Variants in SHLD1 observed in about 807,000 individuals in gnomAD.
SHLD1 encodes the protein shieldin complex subunit 1, also known as RINN1-REV7-interacting novel NHEJ regulator 3.
A neutral mutation model predicts 5.5 loss-of-function variants in SHLD1; 3 were observed. The observed-to-expected ratio is 0.54, with a 90% confidence interval of 0.25 to 1.40. SHLD1 has a LOEUF of 1.40. Among genes scored for constraint, SHLD1 ranks in the 40% most tolerant of loss-of-function variants. The pLI, the probability that SHLD1 is intolerant of heterozygous loss-of-function variation, is 0.15. For missense variants in SHLD1, 210 were observed against 244.4 expected (o/e 0.86, Z 0.94); for synonymous variants, 92 against 94.3 (o/e 0.98, Z 0.14).
chr20:5,784,711 A>G (rs2087036549), intron 2 of SHLD1, among the ~76,000 whole-genome samples: 1 of 152,116 alleles, frequency 6.6e-6, no homozygotes, highest in Non-Finnish European at 1.5e-5. Flanking sequence ...CAGCCTCCCA[A>G]AGTGCTGGGA....
At chr20:5,753,124 A>G (rs971454364) in intron 1 of SHLD1, among the ~76,000 whole-genome samples, 3 of 152,152 alleles carry the variant, frequency 2.0e-5, no homozygotes, top group Non-Finnish European at 4.4e-5. Flanking sequence ...TATTTCATTC[A>G]GGGTTTGCTA....
chr20:5,752,895 A>C (rs1324918514), intron 1 of SHLD1, among the ~76,000 whole-genome samples: 1 of 152,106 alleles, frequency 6.6e-6, no homozygotes, highest in African/African-American at 2.4e-5. Flanking sequence ...CCTGGGTTCA[A>C]GCGATTCTCC....
chr20:5,774,706 G>C (rs904583344), intron 2 of SHLD1, among the ~76,000 whole-genome samples: 5 of 152,072 alleles, frequency 3.3e-5, no homozygotes, highest in African/African-American at 1.2e-4. Context: ...GCACCAAGGG[G>C]ATGGTGCTGT....
At chr20:5,759,161 G>A (rs1013364315) in intron 1 of SHLD1, among the ~76,000 whole-genome samples, 1 of 151,582 alleles carries the variant, frequency 6.6e-6, no homozygotes, top group Admixed American at 6.6e-5. Context: ...CCGTTATGTT[G>A]CCAGGCTGGT....
intron 1 of SHLD1, among the ~76,000 whole-genome samples, chr20:5,762,032 A>G (rs1984496175): frequency 1.3e-5 from 2 of 151,476 alleles, no homozygotes; most frequent in South Asian, 4.2e-4. Flanking sequence ...CAGGTAGATC[A>G]CCTGAGGTCA....
intron 2 of SHLD1, among the ~76,000 whole-genome samples, chr20:5,813,265 A>G (rs1311600999): frequency 6.6e-6 from 1 of 151,958 alleles, no homozygotes; most frequent in Non-Finnish European, 1.5e-5. Context: ...AGGCAGGCGG[A>G]TCACCTGAGC....
At chr20:5,844,568 G>A (rs927196181) in intron 2 of SHLD1, among the ~76,000 whole-genome samples, 1 of 151,938 alleles carries the variant, frequency 6.6e-6, no homozygotes, top group Non-Finnish European at 1.5e-5. Flanking sequence ...CTTTGCAGAG[G>A]GTGCACCAGG....
intron 2 of SHLD1, among the ~76,000 whole-genome samples, chr20:5,857,072 C>A (rs1472938301): frequency 6.6e-6 from 1 of 152,136 alleles, no homozygotes; most frequent in African/African-American, 2.4e-5. Flanking sequence ...ACCTCTGCCT[C>A]CCGGGTTCAA....
chr20:5,777,819 G>A (rs952877446), intron 2 of SHLD1, among the ~76,000 whole-genome samples: 7 of 152,118 alleles, frequency 4.6e-5, no homozygotes, highest in Non-Finnish European at 1.0e-4. Context: ...ACAAGGAACT[G>A]CTGCAAATAA....
intron 1 of SHLD1, among the ~76,000 whole-genome samples, chr20:5,767,927 G>A (rs1400133057): frequency 6.6e-6 from 1 of 151,852 alleles, no homozygotes. Flanking sequence ...CCATCCAGCT[G>A]AGACCACAGA....
chr20:5,757,391 T>G (rs1984179936), intron 1 of SHLD1, among the ~76,000 whole-genome samples: 2 of 151,990 alleles, frequency 1.3e-5, no homozygotes, highest in Admixed American at 6.6e-5. Flanking sequence ...TATTTTTTAT[T>G]TTTTTACTTA....
intron 1 of SHLD1, among the ~76,000 whole-genome samples, chr20:5,764,380 C>A (rs1200530048): frequency 6.6e-6 from 1 of 150,764 alleles, no homozygotes; most frequent in Non-Finnish European, 1.5e-5. Flanking sequence ...CTTCAGCTAA[C>A]AGAGTGTTCA....
At chr20:5,844,148 T>C (rs969394443) in intron 2 of SHLD1, among the ~76,000 whole-genome samples, 9 of 152,258 alleles carry the variant, frequency 5.9e-5, no homozygotes, top group African/African-American at 2.2e-4. Flanking sequence ...TGATCTCCTA[T>C]AACTGATCTC....
intron 2 of SHLD1, among the ~76,000 whole-genome samples, chr20:5,811,936 AC>A (rs1600145996): frequency 6.6e-6 from 1 of 152,062 alleles, no homozygotes; most frequent in East Asian, 1.9e-4. Flanking sequence ...AAGGCGAGTT[AC>A]TTTCTCTTAA....
chr20:5,825,396 G>A (rs1343695045), intron 2 of SHLD1, among the ~76,000 whole-genome samples: 3 of 152,212 alleles, frequency 2.0e-5, no homozygotes, highest in South Asian at 4.1e-4. Context: ...TACAGTCTTG[G>A]TTAAGCTAGC....
intron 1 of SHLD1, among the ~76,000 whole-genome samples, chr20:5,762,941 C>T (rs1326565259): frequency 7.2e-6 from 1 of 138,230 alleles, no homozygotes; most frequent in Non-Finnish European, 1.5e-5. Flanking sequence ...CCGTTGCACT[C>T]TAACCTGGTG....
At chr20:5,852,511 T>A (rs2088024933) in intron 2 of SHLD1, among the ~76,000 whole-genome samples, 1 of 151,982 alleles carries the variant, frequency 6.6e-6, no homozygotes, top group South Asian at 2.1e-4. Context: ...CAGGCTGAAG[T>A]GCAGTGGTGT....
rs560431006 is a variant in SHLD1, at chr20:5,795,842, G to A, written c.178+22799G>A. ...TAAAAATACAAAAAAAAAATTAGCC[G>A]GGTTTGGTGGCGGGCACCTGTAGTC... On this transcript the variant is annotated intron_variant, in intron 2 of 2. Transcript: ENST00000303142. 9.3e-4 allele frequency among the ~76,000 whole-genome samples: 141 copies of A among 151,554 alleles called. 1 individual carries two copies. Among genetic ancestry groups the A allele is most frequent in the African/African-American group, 2.9e-3 (121 of 41,312 alleles).
At chr20:5,811,635 G>T (rs1215219667) in intron 2 of SHLD1, among the ~76,000 whole-genome samples, 1 of 152,088 alleles carries the variant, frequency 6.6e-6, no homozygotes, top group Non-Finnish European at 1.5e-5. Flanking sequence ...AGGGAGGATT[G>T]CTTGAGCCCA....
Sources: allele counts gnomAD v4.1 joint callset (sites outside exome capture counted in the v4.1 genomes callset), GRCh38; gene constraint gnomAD v4.1.1; transcripts MANE v1.5; gene names NCBI Gene and HGNC (gene_info 2026-07-23, HGNC 2026-07-21).